XYLT1: variants seen among roughly 807,000 people sequenced by gnomAD.
XYLT1 encodes the protein xylosyltransferase 1.
Under a neutral mutation model 91.3 loss-of-function variants are expected in XYLT1, and 36 were observed. The ratio of observed to expected loss-of-function variants is 0.39; its 90% CI spans 0.30 to 0.52. The LOEUF (loss-of-function observed/expected upper bound fraction) is 0.52. XYLT1 is among the 20% of genes least tolerant of loss of function. The probability of loss-of-function intolerance (pLI) is 0.68; values close to 1 mark genes in which losing one functional copy is unlikely to be tolerated. For synonymous variants in XYLT1, 588 were observed against 532.0 expected (o/e 1.11, Z -1.45); for missense variants, 1,242 against 1,284.5 (o/e 0.97, Z 0.51).
intron 6 of XYLT1, among the ~76,000 whole-genome samples, chr16:17,153,119 TAC>T (rs2031321365): frequency 6.6e-6 from 1 of 152,192 alleles, no homozygotes; most frequent in Non-Finnish European, 1.5e-5. Flanking sequence ...TTATCACCAC[TAC>T]TACCACCACC....
intron 1 of XYLT1, among the ~76,000 whole-genome samples, chr16:17,377,573 A>G (rs896611450): frequency 2.6e-5 from 4 of 151,358 alleles, no homozygotes; most frequent in African/African-American, 4.9e-5. Context: ...CAACAAACAC[A>G]TTCCCATCAG....
intron 1 of XYLT1, among the ~76,000 whole-genome samples, chr16:17,366,852 G>T (rs2035461964): frequency 6.6e-6 from 1 of 152,040 alleles, no homozygotes; most frequent in Admixed American, 6.5e-5. Flanking sequence ...TTGAAACAGG[G>T]CATCCTTTTG....
intron 11 of XYLT1, among the ~76,000 whole-genome samples, chr16:17,111,285 G>A (rs929725218): frequency 2.0e-5 from 3 of 152,164 alleles, no homozygotes; most frequent in African/African-American, 7.2e-5. Flanking sequence ...ATAGCAATTT[G>A]GGGTGAAGGA....
intron 1 of XYLT1, among the ~76,000 whole-genome samples, chr16:17,453,200 A>T (rs1163054356): frequency 6.6e-5 from 10 of 152,226 alleles, no homozygotes; most frequent in Admixed American, 5.9e-4. Flanking sequence ...ATTTCATTCC[A>T]AAAGTAATAC....
intron 1 of XYLT1, among the ~76,000 whole-genome samples, chr16:17,379,569 G>A (rs2141881914): frequency 6.6e-6 from 1 of 152,302 alleles, no homozygotes; most frequent in Non-Finnish European, 1.5e-5. Flanking sequence ...CCAGGCCACT[G>A]GGCATGTTGT....
chr16:17,293,690 C>T (rs1022125543), intron 2 of XYLT1, among the ~76,000 whole-genome samples: 4 of 152,168 alleles, frequency 2.6e-5, no homozygotes, highest in East Asian at 1.9e-4. Flanking sequence ...GGTCTTACCA[C>T]GTTGCCCAAG....
intron 1 of XYLT1, among the ~76,000 whole-genome samples, chr16:17,378,972 C>T (rs949658227): frequency 2.6e-5 from 4 of 152,170 alleles, no homozygotes; most frequent in East Asian, 1.9e-4. Context: ...GTCTTACCTC[C>T]GCTTTATCAC....
chr16:17,242,452 A>G (rs925193638), intron 3 of XYLT1, among the ~76,000 whole-genome samples: 1 of 152,152 alleles, frequency 6.6e-6, no homozygotes, highest in Non-Finnish European at 1.5e-5. Flanking sequence ...AGGGCTCCCT[A>G]CGACCCTAGA....
chr16:17,152,184 T>C (rs761471672), intron 6 of XYLT1, among the ~76,000 whole-genome samples: 1 of 152,188 alleles, frequency 6.6e-6, no homozygotes, highest in Admixed American at 6.5e-5. Flanking sequence ...ACACTGGGAA[T>C]GTACTTCCCC....
At chr16:17,218,462 A>G (rs73523127) in intron 3 of XYLT1, among the ~76,000 whole-genome samples, 1 of 151,526 alleles carries the variant, frequency 6.6e-6, no homozygotes, top group Non-Finnish European at 1.5e-5. Context: ...GCCACTGGGT[A>G]TTTTTTCTTA....
chr16:17,283,636 A>C, intron 2 of XYLT1, among the ~76,000 whole-genome samples: 1 of 152,208 alleles, frequency 6.6e-6, no homozygotes, highest in East Asian at 1.9e-4. Context: ...GAAAGACCCA[A>C]TTTGAAATGT....
rs35148093 is a variant in XYLT1, at chr16:17,330,104, TACACACACACACAC to T, written c.402+27894_402+27907del. 9.7e-5 allele frequency among the ~76,000 whole-genome samples: 14 copies of T among 144,586 alleles called. No individual in the cohort carries two copies. In the South Asian group the frequency reaches 1.8e-3, roughly 19 times the overall value. 94.9% of individuals were successfully genotyped at this position (144,586 alleles called of 152,430 possible). The stretch of plus-strand genomic sequence containing the variant: ...TATATGCACCACATATGGAGGTAGA[TACACACACACACAC>T]ACACACACACACACACACAGCTGTC... On this transcript the variant is annotated intron_variant, in intron 2 of 11. Transcript: ENST00000261381.
intron 3 of XYLT1, 127 bp downstream of exon 3, chr16:17,258,861 C>CCG: frequency 4.2e-6 from 5 of 1,178,660 alleles, no homozygotes; most frequent in Admixed American, 3.4e-5. Context: ...ATCTCGTGTG[C>CCG]TCATCTGGGG....
At chr16:17,332,656 T>C (rs1567378616) in intron 2 of XYLT1, among the ~76,000 whole-genome samples, 2 of 151,734 alleles carry the variant, frequency 1.3e-5, no homozygotes. Flanking sequence ...CACAGAATGA[T>C]ATTCCAAAGT....
chr16:17,281,228 G>T (rs1278906889), intron 2 of XYLT1, among the ~76,000 whole-genome samples: 1 of 151,760 alleles, frequency 6.6e-6, no homozygotes, highest in Non-Finnish European at 1.5e-5. Flanking sequence ...CAGAGCCCCA[G>T]TGCCCGGTCA....
In XYLT1 at chr16:17,134,511, G is replaced by A. The variant is rs12708815; in HGVS notation, c.1989C>T (p.Ala663=). The change falls in exon 9 of 12, where the codon GCC becomes GCT. Residue 663 remains alanine, a synonymous_variant. Coordinates refer to ENST00000261381, the MANE Select transcript of XYLT1 (RefSeq NM_022166.4). Reference sequence around the variant, plus strand: ...CCCCATCCGTGTGCAGGGACGTCTCGGCCCGTCGAAGACCCAGGCGGGCAA... The same window carrying A: ...CCCCATCCGTGTGCAGGGACGTCTCAGCCCGTCGAAGACCCAGGCGGGCAA... ...HSFARLGLRR[A]ETSLHTDGEN... The A allele has an allele frequency of 0.6, 974,765 of 1,613,662 alleles. 307,245 individuals carry two copies. The highest frequency in any genetic ancestry group is 0.65 in the Non-Finnish European group (764,931 of 1,179,920).
At chr16:17,403,218 C>A (rs1009849781) in intron 1 of XYLT1, among the ~76,000 whole-genome samples, 1 of 152,162 alleles carries the variant, frequency 6.6e-6, no homozygotes, top group African/African-American at 2.4e-5. Flanking sequence ...TCATATCCAG[C>A]CTTGGATGCA....
chr16:17,126,993 T>C (rs942798054), intron 10 of XYLT1, among the ~76,000 whole-genome samples: 1 of 152,182 alleles, frequency 6.6e-6, no homozygotes, highest in Non-Finnish European at 1.5e-5. Context: ...AGAAAAAGTA[T>C]TAAAATAGGG....
intron 5 of XYLT1, among the ~76,000 whole-genome samples, chr16:17,169,507 T>C (rs914873184): frequency 3.3e-5 from 5 of 152,230 alleles, no homozygotes; most frequent in African/African-American, 7.2e-5. Flanking sequence ...GTTTATCTGA[T>C]GTTCTATCAA....
Sources: allele counts gnomAD v4.1 joint callset (sites outside exome capture counted in the v4.1 genomes callset), GRCh38; gene constraint gnomAD v4.1.1; transcripts MANE v1.5; gene names NCBI Gene and HGNC (gene_info 2026-07-23, HGNC 2026-07-21).